The following OSBPL10 variants were observed in gnomAD, a reference collection of about 807,000 sequenced individuals.
The protein encoded by OSBPL10 is oxysterol binding protein like 10.
OSBPL10 carries 49 observed loss-of-function variants against 81.7 expected under a neutral mutation model. That is an observed-to-expected ratio of 0.60 (90% CI 0.48 to 0.76). The LOEUF (loss-of-function observed/expected upper bound fraction) is 0.76. OSBPL10 is among the 30% of genes least tolerant of loss of function. The pLI is 0.00. For missense variants in OSBPL10, 923 were observed against 987.8 expected (o/e 0.93, Z 0.88); for synonymous variants, 419 against 383.6 (o/e 1.09, Z -1.08).
chr3:31,805,461 T>C (rs932346455), intron 4 of OSBPL10, among the ~76,000 whole-genome samples: 5 of 152,190 alleles, frequency 3.3e-5, no homozygotes, highest in Non-Finnish European at 7.4e-5. Flanking sequence ...AATGCAACTA[T>C]GAATTGCCTG....
intron 10 of OSBPL10, among the ~76,000 whole-genome samples, chr3:31,665,554 G>A (rs1700168953): frequency 6.6e-6 from 1 of 152,136 alleles, no homozygotes. Context: ...CACCTCCTGG[G>A]GGTACAGATG....
intron 4 of OSBPL10, among the ~76,000 whole-genome samples, chr3:31,808,435 T>G (rs1321946470): frequency 6.6e-6 from 1 of 152,230 alleles, no homozygotes; most frequent in East Asian, 1.9e-4. Context: ...TAAATTACCC[T>G]GCTGTCTAAC....
intron 1 of OSBPL10, among the ~76,000 whole-genome samples, chr3:31,881,550 G>A (rs571513005): frequency 2.6e-5 from 4 of 152,082 alleles, no homozygotes; most frequent in South Asian, 2.1e-4. Context: ...AAACATCAAC[G>A]TAGAACAGGA....
intron 2 of OSBPL10, among the ~76,000 whole-genome samples, chr3:32,010,977 A>C (rs1441233770): frequency 1.3e-5 from 2 of 152,204 alleles, no homozygotes; most frequent in African/African-American, 4.8e-5. Flanking sequence ...CCGCAGCTCA[A>C]GGAGGCCTGC....
At chr3:31,881,706 C>A (rs1695581731) in intron 1 of OSBPL10, among the ~76,000 whole-genome samples, 1 of 152,098 alleles carries the variant, frequency 6.6e-6, no homozygotes, top group African/African-American at 2.4e-5. Flanking sequence ...TTTCAAATAG[C>A]TACTGAGTTG....
At chr3:31,789,987 C>T (rs534356640) in intron 4 of OSBPL10, among the ~76,000 whole-genome samples, 2 of 151,902 alleles carry the variant, frequency 1.3e-5, no homozygotes, top group Non-Finnish European at 2.9e-5. Context: ...ATTACAAATA[C>T]TTTACCATAA....
chr3:31,968,640 C>T (rs1182164955), intron 1 of OSBPL10, among the ~76,000 whole-genome samples: 1 of 152,136 alleles, frequency 6.6e-6, no homozygotes, highest in Non-Finnish European at 1.5e-5. Flanking sequence ...ATGGCCTATC[C>T]TATTAATCAA....
chr3:31,869,119 T>C (rs2125614111), intron 3 of OSBPL10, among the ~76,000 whole-genome samples: 1 of 152,322 alleles, frequency 6.6e-6, no homozygotes, highest in African/African-American at 2.4e-5. Context: ...GAGGAGTGCT[T>C]CACTTCAGCA....
chr3:32,004,943 A>T (rs1699189432), intron 2 of OSBPL10, among the ~76,000 whole-genome samples: 1 of 152,184 alleles, frequency 6.6e-6, no homozygotes, highest in Non-Finnish European at 1.5e-5. Context: ...GTTTCTCCCC[A>T]TAGGCACCCA....
At chr3:31,830,763 C>T (rs1700220927) in intron 3 of OSBPL10, among the ~76,000 whole-genome samples, 1 of 152,160 alleles carries the variant, frequency 6.6e-6, no homozygotes, top group Non-Finnish European at 1.5e-5. Flanking sequence ...TCCCCAAGGC[C>T]TGGCACATCA....
At chr3:31,802,525 G>A (rs910486029) in intron 4 of OSBPL10, among the ~76,000 whole-genome samples, 104 of 131,252 alleles carry the variant, frequency 7.9e-4, no homozygotes, top group African/African-American at 3.0e-3. Flanking sequence ...AAGATCATGC[G>A]CCACTGCACT....
rs971385709 is a variant in OSBPL10, at chr3:31,684,452, G to A, written c.1246-338C>T. Among the ~76,000 whole-genome samples the A allele has an allele frequency of 2.6e-5, 4 of 152,206 alleles. No individual in the cohort carries two copies. The South Asian group carries it at 8.3e-4, about 31-fold the overall frequency. ...TTTAGAGATGTGAAGAAAACAGCCT[G>A]GAAGGGCTTTTCTGTATTCCCCCTG... is the stretch of plus-strand genomic sequence containing the variant. On this transcript the variant is annotated intron_variant, in intron 7 of 11. Transcript: ENST00000396556.
At chr3:32,020,963 A>G (rs571515793) in intron 2 of OSBPL10, among the ~76,000 whole-genome samples, 1 of 152,210 alleles carries the variant, frequency 6.6e-6, no homozygotes, top group Non-Finnish European at 1.5e-5. Context: ...GGTTTCTGCC[A>G]TGGACTCTCT....
At chr3:31,747,711 T>C (rs1185957150) in intron 5 of OSBPL10, among the ~76,000 whole-genome samples, 199 bp downstream of exon 5, 1 of 152,174 alleles carries the variant, frequency 6.6e-6, no homozygotes, top group Admixed American at 6.5e-5. Flanking sequence ...ATTACATTTT[T>C]CATGAAATGT....
intron 1 of OSBPL10, among the ~76,000 whole-genome samples, chr3:32,073,570 A>T (rs1699851058): frequency 6.6e-6 from 1 of 152,116 alleles, no homozygotes; most frequent in South Asian, 2.1e-4. Flanking sequence ...AACAGTAATG[A>T]CCCTTATGAG....
chr3:31,935,236 T>C (rs1419966613), intron 1 of OSBPL10, among the ~76,000 whole-genome samples: 1 of 152,144 alleles, frequency 6.6e-6, no homozygotes, highest in Non-Finnish European at 1.5e-5. Flanking sequence ...TTAACTATAA[T>C]TTTTGCCACC....
At chr3:32,007,630 T>C (rs1327625858) in intron 2 of OSBPL10, among the ~76,000 whole-genome samples, 1 of 152,168 alleles carries the variant, frequency 6.6e-6, no homozygotes, top group Non-Finnish European at 1.5e-5. Context: ...CTCTCTCTTA[T>C]ACGGACACTA....
chr3:31,661,770 C>T lies in OSBPL10; in HGVS notation c.*302G>A. 1 of 273,254 alleles carries T rather than the reference C, an allele frequency of 3.7e-6. No homozygotes were observed. Among genetic ancestry groups the T allele is most frequent in the Non-Finnish European group, 6.8e-6 (1 of 147,210 alleles). The allele number at this position is 273,254 out of a possible 1,614,324, so 16.9% of individuals were successfully genotyped here. ...TTGATAAAAAGGAGCTTATGATTAC[C>T]CACTTTAACCTTGGTGAGTGCAGTA... On this transcript the variant is annotated 3_prime_UTR_variant, in exon 12 of 12. Coordinates refer to ENST00000396556, the MANE Select transcript of OSBPL10 (RefSeq NM_017784.5).
At chr3:32,008,682 C>T (rs1276117530) in intron 2 of OSBPL10, among the ~76,000 whole-genome samples, 3 of 148,564 alleles carry the variant, frequency 2.0e-5, no homozygotes, top group African/African-American at 5.0e-5. Flanking sequence ...CCCAGGCAGT[C>T]GAGGCTGCGG....
Sources: gnomAD v4.1 joint callset for allele counts (sites outside exome capture counted in the v4.1 genomes callset) on GRCh38, gnomAD v4.1.1 for gene constraint, MANE v1.5 for transcripts, NCBI Gene and HGNC (gene_info 2026-07-23, HGNC 2026-07-21) for gene names.